Variants in MFSD6 observed in about 807,000 individuals in gnomAD.
MFSD6 encodes the protein major facilitator superfamily domain-containing protein 6.
A neutral mutation model predicts 56.3 loss-of-function variants in MFSD6; 26 were observed. The observed-to-expected ratio is 0.46, with a 90% CI of 0.34 to 0.64. The LOEUF is 0.64. MFSD6 is among the 30% of genes least tolerant of loss of function. MFSD6 has a pLI of 0.01. For missense variants in MFSD6, 750 were observed against 986.2 expected (o/e 0.76, Z 3.21); for synonymous variants, 331 against 366.9 (o/e 0.90, Z 1.12).
rs755201145 is a variant in MFSD6 at position 190,436,140 on chromosome 2, G to C, written c.111G>C (p.Ser37=). 2 of 1,614,048 alleles carry C rather than the reference G, an allele frequency of 1.2e-6. No homozygotes were observed. The highest frequency in any genetic ancestry group is 3.3e-5 in the Admixed American group (2 of 60,010). Residue 37 remains serine, a synonymous_variant, in exon 3 of 8, where the codon TCG becomes TCC. Coordinates refer to ENST00000392328, the MANE Select transcript of MFSD6 (RefSeq NM_017694.4). The surrounding 1 kb of genome is among the most constrained non-coding windows in gnomAD (Gnocchi z 5.3). ...TTTCCAGGGAACCAGAACCACCTTCGAATGAAACACCTTCCTCCACAGAAA... is the reference window on the plus strand; with the variant it reads ...TTTCCAGGGAACCAGAACCACCTTCCAATGAAACACCTTCCTCCACAGAAA... ...NGISREPEPP[S]NETPSSTETS...
At chr2:190,444,683 A>G (rs1382183377) in intron 3 of MFSD6, 1 of 153,376 alleles carries the variant, frequency 6.5e-6, no homozygotes, top group African/African-American at 2.4e-5. Context: ...GCCACACTGT[A>G]ACTCCTGAAA....
Position 190,463,453 on chromosome 2 carries a change from C to T in MFSD6, c.1533-6305C>T, listed in dbSNP as rs1687432232. ...CAGCAGCTGATGTCTGCCACTCTGC[C>T]TACTCTAGGAAGACATCTATAACAA... On this transcript the variant is annotated intron_variant, in intron 3 of 7. Transcript: ENST00000392328. This position sits in a 1 kb window ranked among gnomAD's most constrained non-coding sequence, Gnocchi z 4.4. Among the ~76,000 whole-genome samples, 2 of 152,044 alleles carry T rather than the reference C, an allele frequency of 1.3e-5. No individual in the cohort carries two copies. Among genetic ancestry groups the T allele is most frequent in the Admixed American group, 6.6e-5 (1 of 15,252 alleles).
In MFSD6 at chr2:190,439,643, T is replaced by G. The variant is rs149660530; in HGVS notation, c.1532+2082T>G. On this transcript the variant is annotated intron_variant, in intron 3 of 7. Transcript: ENST00000392328. This position sits in a 1 kb window ranked among gnomAD's most constrained non-coding sequence, Gnocchi z 5.8. ...AGTTACTCATCATTTCAAAATTCACTTAACCTTAATTTTCTGGTTTTTACG... is the reference window on the plus strand; with the variant it reads ...AGTTACTCATCATTTCAAAATTCACGTAACCTTAATTTTCTGGTTTTTACG... Among the ~76,000 whole-genome samples the G allele has an allele frequency of 6.6e-5, 10 of 152,344 alleles. No individual in the cohort carries two copies. In the East Asian group the frequency reaches 1.9e-3, roughly 29 times the overall value.
In MFSD6 at chr2:190,433,648, G is replaced by A. The variant is rs1217910431; in HGVS notation, c.-53-2329G>A. Among the ~76,000 whole-genome samples, 9 of 152,120 alleles carry A rather than the reference G, an allele frequency of 5.9e-5. No homozygotes were observed. Among genetic ancestry groups the A allele is most frequent in the Admixed American group, 5.2e-4 (8 of 15,278 alleles). ...TAAATTTTTTTTAACCTAAAAAACC[G>A]ACATGAACATTTTCAAAGCTTACAG... On this transcript the variant is annotated intron_variant, in intron 2 of 7. Coordinates refer to ENST00000392328, the MANE Select transcript of MFSD6 (RefSeq NM_017694.4). This position sits in a 1 kb window ranked among gnomAD's most constrained non-coding sequence, Gnocchi z 4.5.
At chr2:190,468,795 A>G (rs545426171) in intron 3 of MFSD6, among the ~76,000 whole-genome samples, 8 of 152,204 alleles carry the variant, frequency 5.3e-5, no homozygotes, top group Non-Finnish European at 1.2e-4. Context: ...GATTAGGAAA[A>G]TACCACTGAT....
Position 190,457,412 on chromosome 2 carries a change from C to T in MFSD6, c.1533-12346C>T, listed in dbSNP as rs1687100214. On this transcript the variant is annotated intron_variant, in intron 3 of 7. Transcript: ENST00000392328. The surrounding 1 kb of genome is among the most constrained non-coding windows in gnomAD (Gnocchi z 5.1). Reference sequence around the variant, plus strand: ...CAGACCCCACTTCTTCCTGTTGGCCCCCTACCCCCAGGACTCAGACTTTGC... The same window carrying T: ...CAGACCCCACTTCTTCCTGTTGGCCTCCTACCCCCAGGACTCAGACTTTGC... 6.6e-6 allele frequency among the ~76,000 whole-genome samples: 1 copy of T among 152,142 alleles called. No individual in the cohort carries two copies. The highest frequency in any genetic ancestry group is 1.9e-4 in the East Asian group (1 of 5,202).
Position 190,497,878 on chromosome 2 carries a change from T to A in MFSD6, c.2172+159T>A. On this transcript the variant is annotated intron_variant, in intron 7 of 7. Coordinates refer to ENST00000392328, the MANE Select transcript of MFSD6 (RefSeq NM_017694.4). This position sits in a 1 kb window ranked among gnomAD's most constrained non-coding sequence, Gnocchi z 5.2. Reference sequence around the variant, plus strand: ...TTTCAGTACTCTGTGAGCACTGAGTTAAAGAGGGTGTATACAAGGTCCCAT... The same window carrying A: ...TTTCAGTACTCTGTGAGCACTGAGTAAAAGAGGGTGTATACAAGGTCCCAT... 1 of 819,434 alleles carries A rather than the reference T, an allele frequency of 1.2e-6. No individual in the cohort carries two copies. The allele number at this position is 819,434 out of a possible 1,614,324, so 50.8% of individuals were successfully genotyped here.
rs1180140196 is a variant in MFSD6 at position 190,433,583 on chromosome 2, C to T, written c.-53-2394C>T. On this transcript the variant is annotated intron_variant, in intron 2 of 7. Coordinates refer to ENST00000392328, the MANE Select transcript of MFSD6 (RefSeq NM_017694.4). This position sits in a 1 kb window ranked among gnomAD's most constrained non-coding sequence, Gnocchi z 4.5. Reference sequence around the variant, plus strand: ...AAATTACCGCTGAATTGTTCACTTTCAAAATGGTTAATTTTGTGTTATGTG... The same window carrying T: ...AAATTACCGCTGAATTGTTCACTTTTAAAATGGTTAATTTTGTGTTATGTG... Among the ~76,000 whole-genome samples the T allele has an allele frequency of 2.0e-5, 3 of 152,134 alleles. No individual in the cohort carries two copies. Among genetic ancestry groups the T allele is most frequent in the African/African-American group, 7.2e-5 (3 of 41,436 alleles).
At chr2:190,448,164 T>G (rs990495367) in intron 3 of MFSD6, among the ~76,000 whole-genome samples, 1 of 152,160 alleles carries the variant, frequency 6.6e-6, no homozygotes, top group East Asian at 1.9e-4. Flanking sequence ...GCTGAGGTGA[T>G]GGTCAAAGTG....
intron 4 of MFSD6, among the ~76,000 whole-genome samples, chr2:190,472,582 G>C (rs1009485875): frequency 2.6e-5 from 4 of 152,174 alleles, no homozygotes; most frequent in South Asian, 2.1e-4. Context: ...AAATATGGGA[G>C]TATGTGAAAA....
Position 190,437,705 on chromosome 2 carries a change from T to C in MFSD6, c.1532+144T>C, listed in dbSNP as rs1349065268. The stretch of plus-strand genomic sequence containing the variant: ...TGGAAATGGGGATTTCTGTTTCTTT[T>C]CCTCCTTAAAATAGAAACAAAGGAA... On this transcript the variant is annotated intron_variant, in intron 3 of 7. Coordinates refer to ENST00000392328, the MANE Select transcript of MFSD6 (RefSeq NM_017694.4). The surrounding 1 kb of genome is among the most constrained non-coding windows in gnomAD (Gnocchi z 5.9). 2 of 1,034,864 alleles carry C rather than the reference T, an allele frequency of 1.9e-6. No individual in the cohort carries two copies. The highest frequency in any genetic ancestry group is 2.7e-6 in the Non-Finnish European group (2 of 734,870). 64.1% of individuals were successfully genotyped at this position (1,034,864 alleles called of 1,614,324 possible). A position where few individuals can be genotyped will look rare whatever the true frequency, so the allele number is the denominator to read the frequency against.
chr2:190,432,724 CTG>C (rs1686047498), intron 2 of MFSD6, among the ~76,000 whole-genome samples: 1 of 152,112 alleles, frequency 6.6e-6, no homozygotes, highest in Non-Finnish European at 1.5e-5. Context: ...GCCAAAATCT[CTG>C]TGTTTTACTT....
chr2:190,468,746 A>G (rs1457336638), intron 3 of MFSD6, among the ~76,000 whole-genome samples: 1 of 151,996 alleles, frequency 6.6e-6, no homozygotes, highest in African/African-American at 2.4e-5. Flanking sequence ...GGCATGAGTC[A>G]ATACACTCAG....
intron 3 of MFSD6, among the ~76,000 whole-genome samples, chr2:190,452,524 T>C (rs1347893290): frequency 2.0e-5 from 3 of 152,170 alleles, no homozygotes; most frequent in African/African-American, 4.8e-5. Flanking sequence ...ACACAGCCAG[T>C]AAATAATGAA....
Position 190,410,701 on chromosome 2 carries a change from C to CA in MFSD6, c.-176+2204dup, listed in dbSNP as rs1464454361. ...CTCATTATAGGGAAAGGAAGAAATG[C>CA]AAAAAATGTGTGTCTGCTAGCTATT... is the stretch of plus-strand genomic sequence containing the variant. On this transcript the variant is annotated intron_variant, in intron 1 of 7. Transcript: ENST00000392328. This position sits in a 1 kb window ranked among gnomAD's most constrained non-coding sequence, Gnocchi z 4.4. Among the ~76,000 whole-genome samples the CA allele has an allele frequency of 6.6e-6, 1 of 151,764 alleles. No individual in the cohort carries two copies. Among genetic ancestry groups the CA allele is most frequent in the African/African-American group, 2.4e-5 (1 of 41,286 alleles).
chr2:190,476,469 G>C (rs199605765), intron 4 of MFSD6, among the ~76,000 whole-genome samples: 34,342 of 152,048 alleles, frequency 0.23, 4,975 homozygotes, highest in South Asian at 0.34. Context: ...ATCATCACTG[G>C]CCATCAGAGA....
intron 4 of MFSD6, among the ~76,000 whole-genome samples, chr2:190,476,653 T>C (rs1688336523): frequency 6.6e-6 from 1 of 152,216 alleles, no homozygotes; most frequent in African/African-American, 2.4e-5. Context: ...TGGCGATTCC[T>C]CAGGGATCTA....
Position 190,433,621 on chromosome 2 carries a change from G to A in MFSD6, c.-53-2356G>A, listed in dbSNP as rs544058982. Among the ~76,000 whole-genome samples, 8 of 152,206 alleles carry A rather than the reference G, an allele frequency of 5.3e-5. No individual in the cohort carries two copies. The highest frequency in any genetic ancestry group is 7.4e-5 in the Non-Finnish European group (5 of 68,004). Reference sequence around the variant, plus strand: ...TTTGTGTTATGTGAATTTCACTTCAGTTAAATTTTTTTTAACCTAAAAAAC... The same window carrying A: ...TTTGTGTTATGTGAATTTCACTTCAATTAAATTTTTTTTAACCTAAAAAAC... On this transcript the variant is annotated intron_variant, in intron 2 of 7. Transcript: ENST00000392328. This position sits in a 1 kb window ranked among gnomAD's most constrained non-coding sequence, Gnocchi z 4.5.
chr2:190,436,856 T>C lies in MFSD6; in HGVS notation c.827T>C (p.Met276Thr), dbSNP rs2125051152. Reference sequence around the variant, plus strand: ...AAATCTTTACCTTCTGACCAAGTCATGCTTGTTTATGATCAACAAGAAGTT... The same window carrying C: ...AAATCTTTACCTTCTGACCAAGTCACGCTTGTTTATGATCAACAAGAAGTT... ...TTKSLPSDQV[M>T]LVYDQQEVEA... Residue 276 changes from methionine to threonine, a missense_variant, in exon 3 of 8, where the codon ATG becomes ACG. Coordinates refer to ENST00000392328, the MANE Select transcript of MFSD6 (RefSeq NM_017694.4). The surrounding 1 kb of genome is among the most constrained non-coding windows in gnomAD (Gnocchi z 5.3). 6.2e-7 allele frequency: 1 copy of C among 1,614,270 alleles called. No homozygotes were observed. The highest frequency in any genetic ancestry group is 1.6e-4 in the Middle Eastern group (1 of 6,062).
Sources: allele counts gnomAD v4.1 joint callset (sites outside exome capture counted in the v4.1 genomes callset), GRCh38; gene constraint gnomAD v4.1.1; non-coding constraint Gnocchi (gnomAD v3.1); transcripts MANE v1.5; gene names NCBI Gene and HGNC (gene_info 2026-07-23, HGNC 2026-07-21).